KALRN: variants seen among roughly 807,000 people sequenced by gnomAD.
KALRN encodes the protein kalirin.
In KALRN, 70 loss-of-function variants were observed where a neutral mutation model predicts 353.7. The observed-to-expected ratio is 0.20, with a 90% CI of 0.16 to 0.24. KALRN has a LOEUF of 0.24. KALRN is among the 10% of genes least tolerant of loss of function. KALRN has a pLI of 1.00. For missense variants in KALRN, 2,791 were observed against 3,756.7 expected (o/e 0.74, Z 6.72); for synonymous variants, 1,391 against 1,434.8 (o/e 0.97, Z 0.69).
intron 34 of KALRN, among the ~76,000 whole-genome samples, chr3:124,576,702 T>C (rs1353797183): frequency 2.0e-5 from 3 of 152,194 alleles, no homozygotes; most frequent in African/African-American, 7.2e-5. Flanking sequence ...TCCATTTGAC[T>C]CATCAGAAAC....
chr3:124,104,770 C>T (rs2062146576), intron 1 of KALRN, among the ~76,000 whole-genome samples: 2 of 152,168 alleles, frequency 1.3e-5, no homozygotes, highest in African/African-American at 2.4e-5. Context: ...GAGGACAGAA[C>T]AGCTAATTGC....
chr3:124,637,099 C>T (rs1163197808), intron 36 of KALRN, 109 bp from the exon 37 acceptor site: 2 of 886,802 alleles, frequency 2.3e-6, no homozygotes, highest in Non-Finnish European at 3.8e-6. Flanking sequence ...AAACACAGAA[C>T]TTTGCTTCCC....
intron 1 of KALRN, among the ~76,000 whole-genome samples, chr3:124,133,643 A>G (rs1578422604): frequency 6.6e-6 from 1 of 152,218 alleles, no homozygotes; most frequent in African/African-American, 2.4e-5. Flanking sequence ...GCTATTGCCA[A>G]GTCCCCTATC....
At chr3:124,352,637 G>T (rs2082947986) in intron 10 of KALRN, among the ~76,000 whole-genome samples, 1 of 151,572 alleles carries the variant, frequency 6.6e-6, no homozygotes. Flanking sequence ...GTAATCTCTG[G>T]TTACTTGTTT....
chr3:124,236,214 G>A (rs1412855546), intron 3 of KALRN, among the ~76,000 whole-genome samples: 2 of 152,108 alleles, frequency 1.3e-5, no homozygotes. Flanking sequence ...TTCAGTAAAA[G>A]GGATTTGGGT....
At chr3:124,606,315 A>G (rs1017613642) in intron 34 of KALRN, among the ~76,000 whole-genome samples, 2 of 152,182 alleles carry the variant, frequency 1.3e-5, no homozygotes, top group Admixed American at 6.5e-5. Context: ...GGGAGTCCTC[A>G]TTGGTGACCC....
At chr3:124,079,328 A>C (rs1215428833) in intron 1 of KALRN, among the ~76,000 whole-genome samples, 1 of 152,210 alleles carries the variant, frequency 6.6e-6, no homozygotes, top group Non-Finnish European at 1.5e-5. Context: ...CAAGAGGAAG[A>C]CAAATGGATT....
intron 33 of KALRN, among the ~76,000 whole-genome samples, chr3:124,545,556 G>A (rs1428871389): frequency 1.3e-5 from 2 of 152,190 alleles, no homozygotes; most frequent in African/African-American, 4.8e-5. Flanking sequence ...CTGTCCTAGA[G>A]CCCAGGGGTG....
chr3:124,461,653 A>G (rs951635042), intron 23 of KALRN, among the ~76,000 whole-genome samples: 27 of 152,160 alleles, frequency 1.8e-4, no homozygotes, highest in African/African-American at 5.8e-4. Context: ...ATATGGACCT[A>G]GCTGAGCACA....
At chr3:124,658,215 T>C (rs2084337269) in intron 41 of KALRN, among the ~76,000 whole-genome samples, 1 of 152,182 alleles carries the variant, frequency 6.6e-6, no homozygotes, top group African/African-American at 2.4e-5. Context: ...ACCTTCTTTC[T>C]CAGCCCTCTC....
At chr3:124,288,762 G>T (rs1364565462) in intron 5 of KALRN, among the ~76,000 whole-genome samples, 1 of 152,164 alleles carries the variant, frequency 6.6e-6, no homozygotes, top group African/African-American at 2.4e-5. Context: ...ATCTAGGCAG[G>T]GTGGGCTGAG....
Position 124,304,523 on chromosome 3 carries a change from C to G in KALRN, c.1092+5610C>G, listed in dbSNP as rs187119133. Among the ~76,000 whole-genome samples the G allele has an allele frequency of 1.8e-3, 267 of 152,322 alleles. 1 individual carries two copies. Among genetic ancestry groups the G allele is most frequent in the African/African-American group, 6.3e-3 (261 of 41,568 alleles). On this transcript the variant is annotated intron_variant, in intron 6 of 59. Transcript: ENST00000682506. ...AGAAAACATTATACATTCTGAAGGA[C>G]AGTTCACTTCCAGCATGACAGTGTG... is the stretch of plus-strand genomic sequence containing the variant.
At chr3:124,329,833 C>G (rs909712787) in intron 7 of KALRN, 28 bp from the exon 8 acceptor site, 3 of 1,606,958 alleles carry the variant, frequency 1.9e-6, no homozygotes, top group Non-Finnish European at 8.5e-7. Flanking sequence ...AGTGCTCCCC[C>G]ACTGATCCAC....
chr3:124,330,035 C>T, intron 8 of KALRN, 43 bp downstream of exon 8: 2 of 1,602,782 alleles, frequency 1.2e-6, no homozygotes, highest in Non-Finnish European at 1.7e-6. Flanking sequence ...GGCATGTCTG[C>T]ATGTGGGTGG....
intron 20 of KALRN, 27 bp from the exon 21 acceptor site, chr3:124,446,736 G>A: frequency 6.2e-7 from 1 of 1,613,070 alleles, no homozygotes; most frequent in South Asian, 1.1e-5. Flanking sequence ...CCTTTTTGGG[G>A]ACTGGATGAG....
At chr3:124,707,423 TTCC>T (rs2062681166) in intron 57 of KALRN, among the ~76,000 whole-genome samples, 2 of 150,748 alleles carry the variant, frequency 1.3e-5, no homozygotes, top group South Asian at 4.3e-4. Flanking sequence ...CCTTCCTTCC[TTCC>T]TTCCTTCCTT....
intron 23 of KALRN, among the ~76,000 whole-genome samples, chr3:124,459,879 G>A (rs181139015): frequency 6.6e-6 from 1 of 152,280 alleles, no homozygotes; most frequent in East Asian, 1.9e-4. Context: ...TATGGGGAGT[G>A]GATTTGTTTG....
At chr3:124,549,424 C>T (rs576385316) in intron 33 of KALRN, among the ~76,000 whole-genome samples, 9 of 151,884 alleles carry the variant, frequency 5.9e-5, no homozygotes, top group Admixed American at 2.0e-4. Context: ...CACACATACA[C>T]GGGTCCTTCT....
chr3:124,198,497 T>G (rs1423845789), intron 1 of KALRN, among the ~76,000 whole-genome samples: 1 of 152,244 alleles, frequency 6.6e-6, no homozygotes, highest in Non-Finnish European at 1.5e-5. Context: ...AGAGACAATT[T>G]GTGTTCTCAC....
Sources: allele counts gnomAD v4.1 joint callset (sites outside exome capture counted in the v4.1 genomes callset), GRCh38; gene constraint gnomAD v4.1.1; transcripts MANE v1.5; gene names NCBI Gene and HGNC (gene_info 2026-07-23, HGNC 2026-07-21).